The following SLC14A1 variants were observed in gnomAD, a reference collection of about 807,000 sequenced individuals.
SLC14A1 encodes urea transporter 1.
A neutral mutation model predicts 39.6 loss-of-function variants in SLC14A1; 36 were observed. The ratio of observed to expected loss-of-function variants is 0.91; its 90% CI spans 0.70 to 1.20. The LOEUF is 1.20. Ranked by LOEUF, SLC14A1 falls within the 50% of genes most tolerant of loss-of-function variation. SLC14A1 has a pLI of 0.00. For synonymous variants in SLC14A1, 164 were observed against 173.6 expected (o/e 0.94, Z 0.43); for missense variants, 469 against 478.7 (o/e 0.98, Z 0.19).
At chr18:45,731,588 A>G (rs1182859262) in intron 4 of SLC14A1, 2 of 336,320 alleles carry the variant, frequency 5.9e-6, no homozygotes, top group Non-Finnish European at 1.2e-5. Flanking sequence ...AACCCCCGTT[A>G]TATCTTGTTG....
chr18:45,730,202 C>T, intron 2 of SLC14A1, 98 bp from the exon 3 acceptor site: 2 of 1,290,760 alleles, frequency 1.5e-6, no homozygotes, highest in South Asian at 3.1e-5. Flanking sequence ...TTCTATGGAA[C>T]ATAGTGGTCC....
chr18:45,727,170 A>G, intron 2 of SLC14A1: 1 of 1,274,938 alleles, frequency 7.8e-7, no homozygotes, highest in Non-Finnish European at 1.1e-6. Flanking sequence ...GGCGCGCTCC[A>G]GCCCCCCTCA....
chr18:45,730,408 T>C lies in SLC14A1; in HGVS notation c.88T>C (p.Cys30Arg). Reference protein sequence around the residue: ...NQVSPCQGRRCFPKALGYVTG... With the variant: ...NQVSPCQGRRRFPKALGYVTG... ...GGTTTCGCCATGTCAAGGGAGAAGG[T>C]GCTTCCCCAAAGCTCTTGGCTATGT... The change falls in exon 3 of 10, where the codon TGC (cysteine) becomes CGC (arginine). Residue 30 changes from cysteine to arginine, a missense_variant. Transcript: ENST00000321925. 6.2e-7 allele frequency: 1 copy of C among 1,614,160 alleles called. No individual in the cohort carries two copies. The highest frequency in any genetic ancestry group is 8.5e-7 in the Non-Finnish European group (1 of 1,180,014).
chr18:45,749,868 C>A lies in SLC14A1; in HGVS notation c.1087C>A (p.Pro363Thr), dbSNP rs1442650884. The change falls in exon 10 of 10, where the codon CCC becomes ACC. Residue 363 changes from proline (P) to threonine (T), a missense_variant. Pro to Thr is a conservative substitution (Grantham distance 38). Transcript: ENST00000321925. Reference protein sequence around the residue: ...TTKNSNIYKMPLSKVTYPEEN... With the variant: ...TTKNSNIYKMTLSKVTYPEEN... The stretch of plus-strand genomic sequence containing the variant: ...AAAAAATTCCAACATCTACAAGATG[C>A]CCCTCAGTAAAGTTACTTATCCTGA... The A allele has an allele frequency of 1.9e-6, 3 of 1,614,014 alleles. No individual in the cohort carries two copies. Among genetic ancestry groups the A allele is most frequent in the Non-Finnish European group, 2.5e-6 (3 of 1,180,020 alleles).
chr18:45,744,009 C>A (rs2047468725), intron 8 of SLC14A1, among the ~76,000 whole-genome samples: 1 of 111,916 alleles, frequency 8.9e-6, no homozygotes, highest in Non-Finnish European at 1.8e-5. Context: ...TTCATATTAA[C>A]CTTCTGTACT....
Position 45,739,645 on chromosome 18 carries a change from T to G in SLC14A1, c.929T>G (p.Leu310Arg), listed in dbSNP as rs756906464. The change falls in exon 8 of 10, where the codon CTC becomes CGC. Residue 310 changes from leucine (L) to arginine (R), a missense_variant. Coordinates refer to ENST00000321925, the MANE Select transcript of SLC14A1 (RefSeq NM_015865.7). ...ATGGCGCTCACCTGGCAAACCCACCTCCTGGCTCTTGGCTGTGGTGAGTCT... is the reference window on the plus strand; with the variant it reads ...ATGGCGCTCACCTGGCAAACCCACCGCCTGGCTCTTGGCTGTGGTGAGTCT... ...MFMALTWQTHLLALGCALFTA... is the reference protein window; with the variant it reads ...MFMALTWQTHRLALGCALFTA... 1.7e-5 allele frequency: 28 copies of G among 1,614,018 alleles called. No homozygotes were observed. The South Asian group carries it at 2.5e-4, about 15-fold the overall frequency.
At chr18:45,727,867 C>G (rs1032891179) in intron 2 of SLC14A1, among the ~76,000 whole-genome samples, 1 of 152,260 alleles carries the variant, frequency 6.6e-6, no homozygotes, top group Admixed American at 6.5e-5. Context: ...AAATTCTAGG[C>G]CAACTACAAC....
chr18:45,734,319 G>A lies in SLC14A1; in HGVS notation c.387G>A (p.Val129=), dbSNP rs1193946573. The A allele has an allele frequency of 4.3e-6, 7 of 1,614,044 alleles. No individual in the cohort carries two copies. Among genetic ancestry groups the A allele is most frequent in the East Asian group, 2.2e-5 (1 of 44,856 alleles). The change falls in exon 5 of 10, where the codon GTG becomes GTA. Residue 129 remains valine, a synonymous_variant. Transcript: ENST00000321925. ...TCTATGGCTACAATGCCACCCTGGT[G>A]GGAGTACTCATGGCTGTCTTTTCGG... The part of the protein sequence containing the change: ...SGLYGYNATL[V]GVLMAVFSDK...
intron 4 of SLC14A1, 95 bp from the exon 5 acceptor site, chr18:45,734,179 T>C (rs1442854842): frequency 6.9e-7 from 1 of 1,454,150 alleles, no homozygotes; most frequent in African/African-American, 1.4e-5. Context: ...CATTTTTTAA[T>C]ATGAATATGA....
chr18:45,738,729 TG>T (rs2047267908), intron 6 of SLC14A1, among the ~76,000 whole-genome samples: 1 of 152,070 alleles, frequency 6.6e-6, no homozygotes, highest in African/African-American at 2.4e-5. Flanking sequence ...AACATAGGGA[TG>T]CATGGATAGA....
Position 45,751,694 on chromosome 18 carries a change from C to A in SLC14A1, c.*1743C>A. The A allele has an allele frequency of 2.4e-6, 1 of 420,746 alleles. No homozygotes were observed. The highest frequency in any genetic ancestry group is 3.2e-6 in the Non-Finnish European group (1 of 314,722). The allele number at this position is 420,746 out of a possible 1,614,324, so 26.1% of individuals were successfully genotyped here. On this transcript the variant is annotated 3_prime_UTR_variant, in exon 10 of 10. Transcript: ENST00000321925. The stretch of plus-strand genomic sequence containing the variant: ...ACTCAGGAGGCTGAGGTGGAAAGAT[C>A]GCTTGTGCACAGAAGTTCGAGGCTG...
chr18:45,736,724 G>A, intron 6 of SLC14A1, 76 bp downstream of exon 6: 2 of 1,287,180 alleles, frequency 1.6e-6, no homozygotes, highest in Non-Finnish European at 2.3e-6. Context: ...CTGTCCACGG[G>A]TGTCAGAGTC....
At chr18:45,735,971 A>G (rs1463744076) in intron 5 of SLC14A1, among the ~76,000 whole-genome samples, 1 of 152,182 alleles carries the variant, frequency 6.6e-6, no homozygotes, top group Admixed American at 6.5e-5. Context: ...ACCAACTGTG[A>G]TATCATTTTC....
Position 45,731,125 on chromosome 18 carries a change from C to G in SLC14A1, c.262C>G (p.Gln88Glu). 1 of 1,614,174 alleles carries G rather than the reference C, an allele frequency of 6.2e-7. No homozygotes were observed. The highest frequency in any genetic ancestry group is 8.5e-7 in the Non-Finnish European group (1 of 1,180,018). Residue 88 changes from glutamine (Q) to glutamate (E), a missense_variant, in exon 4 of 10, where the codon CAG becomes GAG. By Grantham distance (29) the Gln-to-Glu change is conservative. Transcript: ENST00000321925. ...CCTGATTCTGGTAGGACTTCTTGTT[C>G]AGAACCCCTGGTGGGCTCTCACTGG... ...GILILVGLLV[Q>E]NPWWALTGWL... is the part of the protein sequence containing the mutation.
intron 5 of SLC14A1, among the ~76,000 whole-genome samples, chr18:45,734,868 T>A (rs1568036088): frequency 6.6e-6 from 1 of 152,178 alleles, no homozygotes; most frequent in Non-Finnish European, 1.5e-5. Flanking sequence ...TAAAATTGGA[T>A]TCCAGTAGAT....
At chr18:45,729,349 A>G (rs997681971) in intron 2 of SLC14A1, 7 of 152,052 alleles carry the variant, frequency 4.6e-5, no homozygotes, top group African/African-American at 1.7e-4. Flanking sequence ...TTTTTTATCT[A>G]CCATCAGCAC....
At chr18:45,728,696 C>G (rs1373529052) in intron 2 of SLC14A1, among the ~76,000 whole-genome samples, 2 of 152,056 alleles carry the variant, frequency 1.3e-5, no homozygotes, top group Non-Finnish European at 2.9e-5. Context: ...AACTATGGAG[C>G]CAACTCAGCT....
In SLC14A1 at chr18:45,750,169, A is replaced by T; in HGVS notation, c.*218A>T. 7.0e-7 allele frequency: 1 copy of T among 1,433,742 alleles called. No individual in the cohort carries two copies. Among genetic ancestry groups the T allele is most frequent in the Non-Finnish European group, 9.1e-7 (1 of 1,099,668 alleles). The allele number at this position is 1,433,742 out of a possible 1,614,324, so 88.8% of individuals were successfully genotyped here. A position where few individuals can be genotyped will look rare whatever the true frequency, so the allele number is the denominator to read the frequency against. On this transcript the variant is annotated 3_prime_UTR_variant, in exon 10 of 10. Transcript: ENST00000321925. ...ATCCAGGTGATGTGCTCTGGTATGG[A>T]ATTTGAAACCCCAATGGGGCCTTGG...
chr18:45,731,019 A>AC lies in SLC14A1; in HGVS notation c.159dup (p.Val54ArgfsTer7), dbSNP rs2047013887. On this transcript the variant is annotated frameshift_variant, in exon 4 of 10. Coordinates refer to ENST00000321925, the MANE Select transcript of SLC14A1 (RefSeq NM_015865.7). LOFTEE classifies it high-confidence loss of function. ...GCTTTACCTCATCCCTTCCAGACAAACCCGTGGTGCTCCAGTTCATTGACT... is the reference window on the plus strand; with the variant it reads ...GCTTTACCTCATCCCTTCCAGACAAACCCCGTGGTGCTCCAGTTCATTGACT... 1.9e-6 allele frequency: 3 copies of AC among 1,613,688 alleles called. No individual in the cohort carries two copies. The African/African-American group carries it at 4.0e-5, about 22-fold the overall frequency.
Sources: allele counts gnomAD v4.1 joint callset (sites outside exome capture counted in the v4.1 genomes callset), GRCh38; gene constraint gnomAD v4.1.1; transcripts MANE v1.5; gene names NCBI Gene and HGNC (gene_info 2026-07-23, HGNC 2026-07-21).